The following ITPKB variants were observed in gnomAD, a reference collection of about 807,000 sequenced individuals.
ITPKB encodes inositol-trisphosphate 3-kinase B.
ITPKB carries 13 observed loss-of-function variants against 69.4 expected under a neutral mutation model. The observed-to-expected ratio is 0.19, with a 90% CI of 0.12 to 0.30. The LOEUF (loss-of-function observed/expected upper bound fraction) is 0.30. Among genes scored for constraint, ITPKB ranks in the 10% least tolerant of loss-of-function variants. The pLI is 1.00. For synonymous variants in ITPKB, 584 were observed against 513.7 expected (o/e 1.14, Z -1.85); for missense variants, 1,240 against 1,250.5 (o/e 0.99, Z 0.13).
At chr1:226,713,460 C>G (rs1054543971) in intron 2 of ITPKB, among the ~76,000 whole-genome samples, 1 of 152,206 alleles carries the variant, frequency 6.6e-6, no homozygotes. Flanking sequence ...ACAAGGACGG[C>G]GTCCTCCCCA....
intron 2 of ITPKB, among the ~76,000 whole-genome samples, chr1:226,683,204 C>T (rs1416795683): frequency 2.0e-5 from 3 of 152,210 alleles, no homozygotes; most frequent in Non-Finnish European, 2.9e-5. Context: ...GCTGGGGAAT[C>T]CCAACTCTGC....
At chr1:226,688,662 C>T (rs3754402) in intron 2 of ITPKB, among the ~76,000 whole-genome samples, 2,254 of 152,320 alleles carry the variant, frequency 0.015, 110 homozygotes, top group Admixed American at 0.081. Flanking sequence ...AGCAGCCTGC[C>T]GGGTCCCAGG....
chr1:226,666,220 G>A (rs1318346973), intron 2 of ITPKB, among the ~76,000 whole-genome samples: 1 of 152,212 alleles, frequency 6.6e-6, no homozygotes, highest in Non-Finnish European at 1.5e-5. Context: ...GGGAGCACAT[G>A]GCACGGTGGG....
At chr1:226,735,486 A>T in intron 2 of ITPKB, 41 bp downstream of exon 2, 1 of 1,456,832 alleles carries the variant, frequency 6.9e-7, no homozygotes, top group Non-Finnish European at 9.1e-7. Context: ...AGTCTGCTGA[A>T]ATCAGCATGA....
chr1:226,687,261 G>A (rs558059698), intron 2 of ITPKB, among the ~76,000 whole-genome samples: 2 of 152,316 alleles, frequency 1.3e-5, no homozygotes, highest in South Asian at 4.1e-4. Context: ...TTTCCACCAT[G>A]AGATATAGAA....
At chr1:226,655,962 G>A (rs1389127537) in intron 2 of ITPKB, among the ~76,000 whole-genome samples, 1 of 152,174 alleles carries the variant, frequency 6.6e-6, no homozygotes, top group Non-Finnish European at 1.5e-5. Context: ...CAGGCCTGTG[G>A]AGTTCTGCAG....
At chr1:226,716,967 A>G (rs1181387703) in intron 2 of ITPKB, among the ~76,000 whole-genome samples, 1 of 152,276 alleles carries the variant, frequency 6.6e-6, no homozygotes, top group African/African-American at 2.4e-5. Context: ...TGCAAATATT[A>G]TATAGACTTC....
chr1:226,656,231 C>G (rs1669284999), intron 2 of ITPKB, among the ~76,000 whole-genome samples: 1 of 152,156 alleles, frequency 6.6e-6, no homozygotes, highest in South Asian at 2.1e-4. Context: ...CTTGGTTTAC[C>G]CTGGTGGGCG....
intron 2 of ITPKB, among the ~76,000 whole-genome samples, chr1:226,723,079 C>A (rs921489647): frequency 5.3e-5 from 8 of 152,144 alleles, no homozygotes; most frequent in Non-Finnish European, 1.2e-4. Flanking sequence ...TCAGATGGAA[C>A]CTGTAGCCAT....
chr1:226,634,261 G>A lies in ITPKB; in HGVS notation c.*410C>T, dbSNP rs1347739466. On this transcript the variant is annotated 3_prime_UTR_variant, in exon 8 of 8. Coordinates refer to ENST00000429204, the MANE Select transcript of ITPKB (RefSeq NM_002221.4). The surrounding 1 kb of genome is among the most constrained non-coding windows in gnomAD (Gnocchi z 6.3). ...GGTGGGGAGGCCCCGGCAGAAATAAGGCTGTGCTTGGCAGCACTCTAACAG... is the reference window on the plus strand; with the variant it reads ...GGTGGGGAGGCCCCGGCAGAAATAAAGCTGTGCTTGGCAGCACTCTAACAG... 1 of 163,676 alleles carries A rather than the reference G, an allele frequency of 6.1e-6. No individual in the cohort carries two copies. Among genetic ancestry groups the A allele is most frequent in the African/African-American group, 2.4e-5 (1 of 41,848 alleles). 10.1% of individuals were successfully genotyped at this position (163,676 alleles called of 1,614,324 possible).
chr1:226,644,945 TG>T (rs947226093), intron 4 of ITPKB, among the ~76,000 whole-genome samples: 12 of 152,322 alleles, frequency 7.9e-5, no homozygotes, highest in African/African-American at 2.9e-4. Flanking sequence ...GGAAATGCCA[TG>T]GAAGCTGGGT....
chr1:226,674,913 C>CT (rs1669697068), intron 2 of ITPKB: 1 of 152,292 alleles, frequency 6.6e-6, no homozygotes, highest in Non-Finnish European at 1.5e-5. Context: ...TCCAGCCATC[C>CT]TACCAAGGGT....
In ITPKB at chr1:226,675,469, T is replaced by C. The variant is rs185628067; in HGVS notation, c.1933-26698A>G. On this transcript the variant is annotated intron_variant, in intron 2 of 7. Coordinates refer to ENST00000429204, the MANE Select transcript of ITPKB (RefSeq NM_002221.4). ...GCACTGGAAAAACTCTCATGATCAC[T>C]TCCCTTACCTCCAGCAGGCTGAACT... Among the ~76,000 whole-genome samples, 90 of 152,276 alleles carry C rather than the reference T, an allele frequency of 5.9e-4. 1 individual carries two copies. The East Asian group carries it at 0.016, about 27-fold the overall frequency.
At chr1:226,657,569 C>G (rs17588687) in intron 2 of ITPKB, among the ~76,000 whole-genome samples, 12,668 of 152,180 alleles carry the variant, frequency 0.083, 663 homozygotes, top group East Asian at 0.15. Context: ...TCTAACACTC[C>G]GAAAACGGTA....
chr1:226,654,917 A>AAGAAGAGG (rs1669261426), intron 2 of ITPKB, among the ~76,000 whole-genome samples: 1 of 151,868 alleles, frequency 6.6e-6, no homozygotes, highest in Non-Finnish European at 1.5e-5. Flanking sequence ...GAGGAAGAGG[A>AAGAAGAGG]AGAAGAGGAG....
intron 2 of ITPKB, among the ~76,000 whole-genome samples, chr1:226,683,394 G>A (rs1656130241): frequency 6.6e-6 from 1 of 152,180 alleles, no homozygotes; most frequent in Non-Finnish European, 1.5e-5. Context: ...CTGACTGCAG[G>A]AACTAAGATG....
In ITPKB at chr1:226,634,843, T is replaced by G; in HGVS notation, c.2669A>C (p.Gln890Pro). Reference protein sequence around the residue: ...SLLFIHDKKEQAKVWMIDFGK... With the variant: ...SLLFIHDKKEPAKVWMIDFGK... Reference sequence around the variant, plus strand: ...AAAGTCGATCATCCACACTTTGGCCTGTTCCTTCTTGTCGTGGATGAAGAG... The same window carrying G: ...AAAGTCGATCATCCACACTTTGGCCGGTTCCTTCTTGTCGTGGATGAAGAG... The change falls in exon 8 of 8, where the codon CAG (glutamine) becomes CCG (proline). Residue 890 changes from glutamine (Q) to proline (P), a missense_variant. This residue lies in a region of ITPKB where 248 missense variants were observed against 396.7 expected (regional missense o/e 0.63). Transcript: ENST00000429204. The surrounding 1 kb of genome is among the most constrained non-coding windows in gnomAD (Gnocchi z 6.3). 6.2e-7 allele frequency: 1 copy of G among 1,614,038 alleles called. No homozygotes were observed. The highest frequency in any genetic ancestry group is 8.5e-7 in the Non-Finnish European group (1 of 1,179,908).
chr1:226,658,191 C>A (rs775992296), intron 2 of ITPKB, among the ~76,000 whole-genome samples: 1 of 152,210 alleles, frequency 6.6e-6, no homozygotes, highest in Non-Finnish European at 1.5e-5. Context: ...GTTAGGGTTT[C>A]CCTAGTGATC....
rs1483195000 is a variant in ITPKB, at chr1:226,641,948, G to A, written c.2424C>T (p.Thr808=). The stretch of plus-strand genomic sequence containing the variant: ...TGATTCCCTCGATCCTGAACCCCAG[G>A]GTGGCCGTGGAGCTGATGGTCTCCC... ...QWRETISSTA[T]LGFRIEGIKK... is the part of the protein sequence containing the mutation. The change falls in exon 5 of 8, where the codon ACC becomes ACT. Residue 808 remains threonine, a synonymous_variant. Transcript: ENST00000429204. This position sits in a 1 kb window ranked among gnomAD's most constrained non-coding sequence, Gnocchi z 4.6. 6.2e-7 allele frequency: 1 copy of A among 1,613,898 alleles called. No individual in the cohort carries two copies. Among genetic ancestry groups the A allele is most frequent in the Non-Finnish European group, 8.5e-7 (1 of 1,179,988 alleles).
Sources: allele counts gnomAD v4.1 joint callset (sites outside exome capture counted in the v4.1 genomes callset), GRCh38; gene constraint gnomAD v4.1.1; regional missense constraint gnomAD v4.1.1; non-coding constraint Gnocchi (gnomAD v3.1); transcripts MANE v1.5; gene names NCBI Gene and HGNC (gene_info 2026-07-23, HGNC 2026-07-21).